The following TARDBP variants were observed in gnomAD, a reference collection of about 807,000 sequenced individuals.
The protein encoded by TARDBP is TAR DNA-binding protein 43.
In TARDBP, 4 loss-of-function variants were observed where a neutral mutation model predicts 38.3. The observed-to-expected ratio is 0.10, with a 90% confidence interval of 0.05 to 0.24. TARDBP has a LOEUF of 0.24. Ranked by LOEUF, TARDBP falls within the 10% of genes least tolerant of loss-of-function variation. The probability of loss-of-function intolerance (pLI) is 1.00; values close to 1 mark genes in which losing one functional copy is unlikely to be tolerated. For synonymous variants in TARDBP, 184 were observed against 183.8 expected, an observed-to-expected ratio of 1.00 and a Z score of -0.01; for missense variants, 202 against 521.9, an observed-to-expected ratio of 0.39 and a Z score of 5.97.
intron 3 of TARDBP, among the ~76,000 whole-genome samples, chr1:11,017,755 A>C (rs1643556720): frequency 6.6e-6 from 1 of 152,110 alleles, no homozygotes; most frequent in South Asian, 2.1e-4. Flanking sequence ...ATTCTAAGAC[A>C]TTCTGTTAAA....
At chr1:11,026,962 C>G, downstream of TARDBP, 4 of 1,553,826 alleles carry the variant, frequency 2.6e-6, no homozygotes, top group Non-Finnish European at 3.5e-6. Flanking sequence ...TGACCTGCTT[C>G]CCCACAATTC....
intron 3 of TARDBP, among the ~76,000 whole-genome samples, chr1:11,017,827 T>C (rs1643557846): frequency 6.6e-6 from 1 of 152,124 alleles, no homozygotes; most frequent in South Asian, 2.1e-4. Context: ...GTGGGAGGGT[T>C]GCTTGAGGCC....
At chr1:11,029,247 G>T (rs938832425), downstream of TARDBP, among the ~76,000 whole-genome samples, 1 of 150,954 alleles carries the variant, frequency 6.6e-6, no homozygotes, top group Non-Finnish European at 1.5e-5. Context: ...TGATCTTTCC[G>T]CCTTGGCCTC....
intron 4 of TARDBP, 146 bp downstream of exon 4, chr1:11,019,019 C>A: frequency 1.9e-6 from 2 of 1,053,944 alleles, no homozygotes; most frequent in Non-Finnish European, 2.9e-6. Flanking sequence ...GCCCTTAGTG[C>A]ATGCTGAATA....
rs1643662571 is a variant in TARDBP, at chr1:11,022,550, G to A, written c.1141G>A (p.Ala381Thr). Residue 381 changes from alanine to threonine, a missense_variant, in exon 6 of 6, where the codon GCA becomes ACA. This residue lies in a region of TARDBP where 107 missense variants were observed against 190.5 expected (regional missense o/e 0.56). Transcript: ENST00000240185. This position sits in a 1 kb window ranked among gnomAD's most constrained non-coding sequence, Gnocchi z 4.5. ...CTCTTATAGTGGCTCTAATTCTGGT[G>A]CAGCAATTGGTTGGGGATCAGCATC... ...NNSYSGSNSG[A>T]AIGWGSASNA... 1.3e-6 allele frequency: 2 copies of A among 1,581,196 alleles called. No homozygotes were observed.
intron 5 of TARDBP, among the ~76,000 whole-genome samples, chr1:11,021,122 A>T (rs1643628640): frequency 6.6e-6 from 1 of 151,664 alleles, no homozygotes. Flanking sequence ...AGTATGTGGC[A>T]TTTGGGAATG....
chr1:11,016,872 T>A lies in TARDBP; in HGVS notation c.267T>A (p.Asp89Glu), dbSNP rs747512757. The A allele has an allele frequency of 1.9e-6, 3 of 1,614,188 alleles. No homozygotes were observed. The South Asian group carries it at 3.3e-5, about 18-fold the overall frequency. The change falls in exon 3 of 6, where the codon GAT becomes GAA. Residue 89 changes from aspartate (D) to glutamate (E), a missense_variant. Transcript: ENST00000240185. ...KDNKRKMDETDASSAVKVKRA... is the reference protein window; with the variant it reads ...KDNKRKMDETEASSAVKVKRA... ...ACAAAAGAAAAATGGATGAGACAGA[T>A]GCTTCATCAGCAGTGAAAGTGAAAA...
At chr1:11,029,999 C>T (rs1010934587), downstream of TARDBP, 6 of 531,856 alleles carry the variant, frequency 1.1e-5, no homozygotes, top group Admixed American at 3.7e-5. Flanking sequence ...CAGCACCTAA[C>T]AACCTCTGTA....
chr1:11,021,140 C>CTT lies in TARDBP; in HGVS notation c.714+555_714+556dup, dbSNP rs568381462. The stretch of plus-strand genomic sequence containing the variant: ...ATGTGGCATTTGGGAATGTTATATA[C>CTT]TTTTTTTTTTTTTTTGAGACAGAGT... On this transcript the variant is annotated intron_variant, in intron 5 of 5. Coordinates refer to ENST00000240185, the MANE Select transcript of TARDBP (RefSeq NM_007375.4). 1.1e-4 allele frequency among the ~76,000 whole-genome samples: 16 copies of CTT among 146,446 alleles called. No individual in the cohort carries two copies. The South Asian group carries it at 1.7e-3, about 16-fold the overall frequency.
At chr1:11,020,289 G>GA (rs1643610588) in intron 4 of TARDBP, 140 bp from the exon 5 acceptor site, 1 of 974,254 alleles carries the variant, frequency 1.0e-6, no homozygotes, top group Non-Finnish European at 1.6e-6. Context: ...AATGCTGATG[G>GA]AAAAAATTAA....
chr1:11,019,400 T>C (rs962284336), intron 4 of TARDBP, among the ~76,000 whole-genome samples: 1 of 152,218 alleles, frequency 6.6e-6, no homozygotes, highest in South Asian at 2.1e-4. Flanking sequence ...CTGTTTTTAC[T>C]GTACCCTTTC....
chr1:11,018,705 T>A, intron 3 of TARDBP, 28 bp from the exon 4 acceptor site: 2 of 1,614,166 alleles, frequency 1.2e-6, no homozygotes, highest in African/African-American at 1.3e-5. Context: ...TGTGCACTTT[T>A]AGAGTAAACT....
chr1:11,026,664 C>CT, downstream of TARDBP: 1 of 378,962 alleles, frequency 2.6e-6, no homozygotes, highest in Non-Finnish European at 4.7e-6. Context: ...GCAAAGATGA[C>CT]TGTCACTCTC....
downstream of TARDBP, among the ~76,000 whole-genome samples, chr1:11,028,711 T>G (rs1307160229): frequency 4.8e-3 from 694 of 145,468 alleles, 2 homozygotes; most frequent in South Asian, 8.7e-3. Flanking sequence ...TTTTTCTTTT[T>G]TTTTTTTTTT....
intron 4 of TARDBP, among the ~76,000 whole-genome samples, chr1:11,019,534 C>G (rs892788629): frequency 3.3e-5 from 5 of 151,960 alleles, no homozygotes; most frequent in Non-Finnish European, 7.4e-5. Context: ...GTGGGGTAGG[C>G]TATGCTATCT....
At chr1:11,030,176 C>T (rs1431701571), downstream of TARDBP, 2 of 1,609,692 alleles carry the variant, frequency 1.2e-6, no homozygotes, top group Non-Finnish European at 1.7e-6. Flanking sequence ...TATCCATTAC[C>T]AGGCTCACAG....
Position 11,024,764 on chromosome 1 carries a change from A to G in TARDBP, c.*2110A>G, listed in dbSNP as rs1448487823. On this transcript the variant is annotated 3_prime_UTR_variant, in exon 6 of 6. Coordinates refer to ENST00000240185, the MANE Select transcript of TARDBP (RefSeq NM_007375.4). ...CGCTTACAAAACTCACACTCTCACA[A>G]TGCATTGTTAAGTATGTAAAAGCAA... The G allele has an allele frequency of 1.3e-5, 2 of 152,682 alleles. No homozygotes were observed. Among genetic ancestry groups the G allele is most frequent in the African/African-American group, 2.4e-5 (1 of 41,456 alleles). The allele number at this position is 152,682 out of a possible 1,614,324, so 9.5% of individuals were successfully genotyped here.
At chr1:11,015,698 T>C (rs1643508414) in intron 2 of TARDBP, 1 of 151,960 alleles carries the variant, frequency 6.6e-6, no homozygotes, top group Non-Finnish European at 1.5e-5. Flanking sequence ...CCCCTTCTCT[T>C]CTAAATAACC....
downstream of TARDBP, among the ~76,000 whole-genome samples, chr1:11,028,840 A>G (rs1322584915): frequency 6.6e-6 from 1 of 151,070 alleles, no homozygotes; most frequent in African/African-American, 2.4e-5. Context: ...CAGCCTCCTG[A>G]GTAGCTGGGA....
Sources: gnomAD v4.1 joint callset for allele counts (sites outside exome capture counted in the v4.1 genomes callset) on GRCh38, gnomAD v4.1.1 for gene constraint, gnomAD v4.1.1 regional missense constraint, Gnocchi (gnomAD v3.1) non-coding constraint, MANE v1.5 for transcripts, NCBI Gene and HGNC (gene_info 2026-07-23, HGNC 2026-07-21) for gene names.